FREM3: variants seen among roughly 807,000 people sequenced by gnomAD.
FREM3 encodes FRAS1 related extracellular matrix 3, also known as FRAS1-related extracellular matrix protein 3.
FREM3 carries 105 observed loss-of-function variants against 129.1 expected under a neutral mutation model. The observed-to-expected ratio is 0.81, with a 90% CI of 0.69 to 0.96. FREM3 has a LOEUF of 0.96. Among genes scored for constraint, FREM3 ranks in the 40% least tolerant of loss-of-function variants. The pLI is 0.00. For synonymous variants in FREM3, 1,014 were observed against 1,044.9 expected, an observed-to-expected ratio of 0.97 and a Z score of 0.57; for missense variants, 2,593 against 2,666.3, an observed-to-expected ratio of 0.97 and a Z score of 0.61.
At chr4:143,597,260 A>C (rs901895734) in intron 6 of FREM3, among the ~76,000 whole-genome samples, 5 of 152,358 alleles carry the variant, frequency 3.3e-5, no homozygotes, top group Non-Finnish European at 7.3e-5. Context: ...TGACAATGTC[A>C]AACGCAGCGA....
intron 1 of FREM3, among the ~76,000 whole-genome samples, chr4:143,694,033 G>T (rs1740522403): frequency 1.3e-5 from 2 of 151,998 alleles, no homozygotes; most frequent in African/African-American, 4.8e-5. Flanking sequence ...GAGCAGAAAA[G>T]ATAACGACTG....
intron 6 of FREM3, among the ~76,000 whole-genome samples, chr4:143,591,889 G>T (rs902685814): frequency 1.3e-5 from 2 of 152,176 alleles, no homozygotes; most frequent in Non-Finnish European, 2.9e-5. Context: ...CTCTTTGTAG[G>T]TCACTAAGGA....
chr4:143,662,005 A>G (rs1739736419), intron 2 of FREM3, among the ~76,000 whole-genome samples: 2 of 151,710 alleles, frequency 1.3e-5, no homozygotes, highest in South Asian at 4.2e-4. Flanking sequence ...TCTTGCTAGC[A>G]GTCTATCAAT....
At chr4:143,589,301 A>T (rs1449080570) in intron 6 of FREM3, among the ~76,000 whole-genome samples, 1 of 152,160 alleles carries the variant, frequency 6.6e-6, no homozygotes, top group Non-Finnish European at 1.5e-5. Flanking sequence ...TGTTTTAGAC[A>T]TGAAGTCCTT....
intron 4 of FREM3, 147 bp downstream of exon 4, chr4:143,623,961 T>C: frequency 3.3e-6 from 2 of 597,234 alleles, no homozygotes; most frequent in Non-Finnish European, 6.0e-6. Flanking sequence ...GAAAAATTAT[T>C]GTCTATAAAG....
Position 143,700,171 on chromosome 4 carries a change from G to C in FREM3, c.505C>G (p.Leu169Val), listed in dbSNP as rs766647971. The C allele has an allele frequency of 6.5e-7, 1 of 1,537,022 alleles. No individual in the cohort carries two copies. The highest frequency in any genetic ancestry group is 1.2e-5 in the South Asian group (1 of 84,068). ...ACCAAAGGCCTGTTACGCGTCACCA[G>C]CTCCAGCTGGGAGAAGACCAAGTCC... is the stretch of plus-strand genomic sequence containing the variant. The part of the protein sequence containing the change: ...AVDLVFSQLE[L>V]VTRNRPLVVE... Residue 169 changes from leucine (L) to valine (V), a missense_variant, in exon 1 of 8, where the codon CTG becomes GTG. Transcript: ENST00000329798.
rs1416053790 is a variant in FREM3 at position 143,692,220 on chromosome 4, C to T, written c.5275+893G>A. Among the ~76,000 whole-genome samples, 3 of 152,102 alleles carry T rather than the reference C, an allele frequency of 2.0e-5. No homozygotes were observed. In the East Asian group the frequency reaches 5.8e-4, roughly 29 times the overall value. ...TAGGTATGAAGACCACCACTTTATA[C>T]ATGGGGGAATGAATGAAGAGGACAA... On this transcript the variant is annotated intron_variant, in intron 2 of 7. Transcript: ENST00000329798.
At chr4:143,639,982 C>A (rs1046752119) in intron 2 of FREM3, among the ~76,000 whole-genome samples, 2 of 152,134 alleles carry the variant, frequency 1.3e-5, no homozygotes, top group Non-Finnish European at 2.9e-5. Context: ...TCGTCTCCTA[C>A]CTCTCTTACT....
intron 2 of FREM3, among the ~76,000 whole-genome samples, chr4:143,662,081 C>G (rs1247514484): frequency 2.0e-5 from 3 of 151,880 alleles, no homozygotes; most frequent in Non-Finnish European, 4.4e-5. Flanking sequence ...TTTTGTGTCT[C>G]TATTTCCTTC....
At chr4:143,659,687 C>T (rs1024388894) in intron 2 of FREM3, among the ~76,000 whole-genome samples, 4 of 89,320 alleles carry the variant, frequency 4.5e-5, no homozygotes, top group African/African-American at 1.1e-4. Context: ...AACTAGTTTA[C>T]AGTCCCACCA....
At chr4:143,689,893 AG>A (rs1041666142) in intron 2 of FREM3, among the ~76,000 whole-genome samples, 2 of 140,222 alleles carry the variant, frequency 1.4e-5, no homozygotes, top group African/African-American at 2.6e-5. Context: ...GAAGAGTGGG[AG>A]GGGGGCAAAA....
rs190285093 is a variant in FREM3, at chr4:143,661,759, A to G, written c.5275+31354T>C. On this transcript the variant is annotated intron_variant, in intron 2 of 7. Coordinates refer to ENST00000329798, the MANE Select transcript of FREM3 (RefSeq NM_001168235.2). ...TGGTAAGCTATTGATTATTGCCACA[A>G]TTTCAGCTCCTGTTATTGGTCTATT... Among the ~76,000 whole-genome samples the G allele has an allele frequency of 1.3e-5, 2 of 152,240 alleles. 1 individual carries two copies. Among genetic ancestry groups the G allele is most frequent in the Admixed American group, 1.3e-4 (2 of 15,284 alleles).
intron 6 of FREM3, among the ~76,000 whole-genome samples, chr4:143,602,209 T>C (rs928205969): frequency 4.6e-5 from 7 of 152,194 alleles, no homozygotes; most frequent in African/African-American, 7.2e-5. Flanking sequence ...GAAGGACACA[T>C]GTTTTATTTC....
At chr4:143,676,548 C>T (rs917387732) in intron 2 of FREM3, among the ~76,000 whole-genome samples, 5 of 152,120 alleles carry the variant, frequency 3.3e-5, no homozygotes, top group African/African-American at 4.8e-5. Flanking sequence ...CCAGGGCAAT[C>T]AGGCAGGAGA....
rs548197736 is a variant in FREM3 at position 143,633,035 on chromosome 4, AGT to A, written c.5276-5277_5276-5276del. On this transcript the variant is annotated intron_variant, in intron 2 of 7. Transcript: ENST00000329798. ...ATGTAGCTTGAGACTTTGATTTAAA[AGT>A]GTACAATGTGAGGAGGCTGCAGGTC... 2.6e-3 allele frequency among the ~76,000 whole-genome samples: 397 copies of A among 152,258 alleles called. 3 individuals are homozygous for A. Among genetic ancestry groups the A allele is most frequent in the African/African-American group, 9.2e-3 (384 of 41,564 alleles).
In FREM3 at chr4:143,699,796, C is replaced by T. The variant is rs984254363; in HGVS notation, c.880G>A (p.Val294Met). Residue 294 changes from valine (V) to methionine (M), a missense_variant, in exon 1 of 8, where the codon GTG becomes ATG. Val to Met is a conservative substitution (Grantham distance 21, BLOSUM62 1). Around this residue, in one of 2 missense-constraint regions of FREM3, gnomAD observed 2,276 missense variants for 2,267.2 expected, o/e 1.00. Transcript: ENST00000329798. The surrounding 1 kb of genome is among the most constrained non-coding windows in gnomAD (Gnocchi z 4.2). ...VLVREHFQLLVRIRGGAENTP... is the reference protein window; with the variant it reads ...VLVREHFQLLMRIRGGAENTP... ...TTCTCGGCTCCGCCGCGGATCCTCACGAGCAGCTGGAAGTGCTCGCGGACC... is the reference window on the plus strand; with the variant it reads ...TTCTCGGCTCCGCCGCGGATCCTCATGAGCAGCTGGAAGTGCTCGCGGACC... 13 of 1,535,904 alleles carry T rather than the reference C, an allele frequency of 8.5e-6. No homozygotes were observed. The highest frequency in any genetic ancestry group is 1.4e-5 in the African/African-American group (1 of 73,062).
At position 143,595,888 on chromosome 4, in the gene FREM3, A is replaced by AG. The variant is rs1414762245; in HGVS notation, c.6029-9896dup. Reference sequence around the variant, plus strand: ...GGGCGACAGAGCGAGACGCCATCTCAGAAAAAAAAAAAAAAAGAAGGAACT... The same window carrying AG: ...GGGCGACAGAGCGAGACGCCATCTCAGGAAAAAAAAAAAAAAAGAAGGAACT... On this transcript the variant is annotated intron_variant, in intron 6 of 7. Coordinates refer to ENST00000329798, the MANE Select transcript of FREM3 (RefSeq NM_001168235.2). 4.6e-4 allele frequency among the ~76,000 whole-genome samples: 68 copies of AG among 148,290 alleles called. 1 individual carries two copies. Among genetic ancestry groups the AG allele is most frequent in the Non-Finnish European group, 6.1e-4 (41 of 67,114 alleles).
chr4:143,643,071 C>T (rs1739350086), intron 2 of FREM3, among the ~76,000 whole-genome samples: 1 of 152,112 alleles, frequency 6.6e-6, no homozygotes, highest in Non-Finnish European at 1.5e-5. Context: ...AATGGGATAC[C>T]ACCTCACTCC....
intron 2 of FREM3, among the ~76,000 whole-genome samples, chr4:143,630,749 C>G (rs1739120411): frequency 6.6e-6 from 1 of 152,110 alleles, no homozygotes; most frequent in African/African-American, 2.4e-5. Context: ...TTAAAGGGAA[C>G]CTACTTTAAA....
Sources: allele counts gnomAD v4.1 joint callset (sites outside exome capture counted in the v4.1 genomes callset), GRCh38; gene constraint gnomAD v4.1.1; regional missense constraint gnomAD v4.1.1; non-coding constraint Gnocchi (gnomAD v3.1); transcripts MANE v1.5; gene names NCBI Gene and HGNC (gene_info 2026-07-23, HGNC 2026-07-21).